SVBP: variants seen among roughly 807,000 people sequenced by gnomAD.
SVBP encodes the protein small vasohibin binding protein, also known as small vasohibin-binding protein.
In SVBP, 9 loss-of-function variants were observed where a neutral mutation model predicts 9.2. The ratio of observed to expected loss-of-function variants is 0.98; its 90% CI spans 0.59 to 1.71. SVBP has a LOEUF of 1.71. Among genes scored for constraint, SVBP ranks in the 40% most tolerant of loss-of-function variants. SVBP has a pLI of 0.00. For missense variants in SVBP, 63 were observed against 73.2 expected, an observed-to-expected ratio of 0.86 and a Z score of 0.51; for synonymous variants, 27 against 23.9, an observed-to-expected ratio of 1.13 and a Z score of -0.37.
rs1049265366 is a variant in SVBP, at chr1:42,808,178, T to C, written c.115-678A>G. Among the ~76,000 whole-genome samples the C allele has an allele frequency of 2.6e-3, 187 of 72,452 alleles. 3 individuals carry two copies. Among genetic ancestry groups the C allele is most frequent in the Middle Eastern group, 0.015 (2 of 136 alleles). The allele number at this position is 72,452 out of a possible 152,430, so 47.5% of individuals were successfully genotyped here. On this transcript the variant is annotated intron_variant, in intron 2 of 2. Coordinates refer to ENST00000372521, the MANE Select transcript of SVBP (RefSeq NM_199342.4). ...ATATATATATATATATATATATATA[T>C]ACATACTATGTATAGTATATATAGC...
chr1:42,810,179 T>C (rs918688348), intron 2 of SVBP, among the ~76,000 whole-genome samples: 1 of 152,060 alleles, frequency 6.6e-6, no homozygotes, highest in African/African-American at 2.4e-5. Context: ...GAGCAGAGTC[T>C]TGCTCTGTCA....
chr1:42,809,605 T>C (rs1654035751), intron 2 of SVBP, among the ~76,000 whole-genome samples: 1 of 152,178 alleles, frequency 6.6e-6, no homozygotes, highest in Non-Finnish European at 1.5e-5. Context: ...AACAAGTTCC[T>C]AGGAAAAGTA....
At chr1:42,817,163 C>T in intron 1 of SVBP, 27 bp downstream of exon 1, 5 of 1,206,042 alleles carry the variant, frequency 4.1e-6, no homozygotes, top group Non-Finnish European at 5.3e-6. Flanking sequence ...GCTGGAGCCG[C>T]CGACCAAGAG....
chr1:42,812,421 A>G (rs1352130916), intron 2 of SVBP, among the ~76,000 whole-genome samples: 2 of 152,098 alleles, frequency 1.3e-5, no homozygotes, highest in Non-Finnish European at 1.5e-5. Flanking sequence ...GCAAAACCAA[A>G]TTTCTTTTTT....
intron 2 of SVBP, among the ~76,000 whole-genome samples, chr1:42,811,410 G>A (rs1043063057): frequency 6.6e-6 from 1 of 152,202 alleles, no homozygotes; most frequent in Non-Finnish European, 1.5e-5. Context: ...GACTACATGT[G>A]GCTATGCATG....
At chr1:42,816,659 TA>T in intron 1 of SVBP, 79 bp from the exon 2 acceptor site, 1 of 710,950 alleles carries the variant, frequency 1.4e-6, no homozygotes, top group Non-Finnish European at 2.4e-6. Flanking sequence ...TCTAATCCTT[TA>T]GCTCCGCCCC....
At position 42,807,168 on chromosome 1, in the gene SVBP, T is replaced by TAA. The variant is rs1570512717; in HGVS notation, c.*245_*246insTT. The stretch of plus-strand genomic sequence containing the variant: ...TTTTGTGTGTGTTTTTTTTTTTTTT[T>TAA]TAAAAAAACCCAAAAAACAAAACCA... On this transcript the variant is annotated 3_prime_UTR_variant, in exon 3 of 3. Coordinates refer to ENST00000372521, the MANE Select transcript of SVBP (RefSeq NM_199342.4). 2 of 296,008 alleles carry TAA rather than the reference T, an allele frequency of 6.8e-6. No homozygotes were observed. Among genetic ancestry groups the TAA allele is most frequent in the East Asian group, 1.1e-4 (2 of 18,848 alleles). 18.3% of individuals were successfully genotyped at this position (296,008 alleles called of 1,614,324 possible). A position where few individuals can be genotyped will look rare whatever the true frequency, so the allele number is the denominator to read the frequency against.
Position 42,811,171 on chromosome 1 carries a change from G to GA in SVBP, c.115-3672dup, listed in dbSNP as rs200415785. On this transcript the variant is annotated intron_variant, in intron 2 of 2. Transcript: ENST00000372521. Reference sequence around the variant, plus strand: ...AACAAAAACACCAACCAACCAAACAGAAAAAAAAACAGCAAGGCAGCTGTA... The same window carrying GA: ...AACAAAAACACCAACCAACCAAACAGAAAAAAAAAACAGCAAGGCAGCTGTA... 2.9e-3 allele frequency among the ~76,000 whole-genome samples: 433 copies of GA among 147,886 alleles called. 3 individuals carry two copies. The highest frequency in any genetic ancestry group is 6.8e-3 in the Middle Eastern group (2 of 292).
intron 2 of SVBP, chr1:42,816,152 T>G (rs1654200825): frequency 2.8e-6 from 1 of 362,936 alleles, no homozygotes. Context: ...ACCCCTTCTT[T>G]CCCCTTACAT....
rs188917330 is a variant in SVBP at position 42,816,575 on chromosome 1, T to G, written c.-31A>C. 6.8e-7 allele frequency: 1 copy of G among 1,478,562 alleles called. No homozygotes were observed. Among genetic ancestry groups the G allele is most frequent in the South Asian group, 1.1e-5 (1 of 88,272 alleles). The allele number at this position is 1,478,562 out of a possible 1,614,324, so 91.6% of individuals were successfully genotyped here. ...GACTTCTGGATATTTCTTAGGAGGC[T>G]CTGATCTGGGTGGTACAGAAAGAGG... On this transcript the variant is annotated 5_prime_UTR_variant, in exon 2 of 3. Coordinates refer to ENST00000372521, the MANE Select transcript of SVBP (RefSeq NM_199342.4).
intron 2 of SVBP, among the ~76,000 whole-genome samples, chr1:42,808,007 T>C (rs988253847): frequency 1.3e-5 from 2 of 150,680 alleles, no homozygotes; most frequent in Non-Finnish European, 3.0e-5. Context: ...AGAGTAGGGG[T>C]TGGGGAGCTG....
intron 2 of SVBP, among the ~76,000 whole-genome samples, chr1:42,808,687 C>T (rs539459024): frequency 6.6e-6 from 1 of 150,540 alleles, no homozygotes; most frequent in African/African-American, 2.4e-5. Flanking sequence ...GTATATATCG[C>T]ATATATATAT....
intron 2 of SVBP, among the ~76,000 whole-genome samples, chr1:42,812,728 T>C (rs1238219985): frequency 6.6e-6 from 1 of 152,264 alleles, no homozygotes; most frequent in Non-Finnish European, 1.5e-5. Flanking sequence ...TTTTCACATT[T>C]TAAAACCTTT....
At chr1:42,808,143 G>GTATATATATATA (rs1344012080) in intron 2 of SVBP, among the ~76,000 whole-genome samples, 2 of 44,656 alleles carry the variant, frequency 4.5e-5, no homozygotes, top group African/African-American at 1.1e-4. Flanking sequence ...TAGTGTGTGT[G>GTATATATATATA]TGTGTGTATA....
At chr1:42,811,461 C>T (rs1013133605) in intron 2 of SVBP, among the ~76,000 whole-genome samples, 6 of 152,144 alleles carry the variant, frequency 3.9e-5, no homozygotes, top group East Asian at 1.9e-4. Context: ...AAGAGCTGCA[C>T]GGGGCCAGCT....
chr1:42,808,603 CTA>C (rs1204246989), intron 2 of SVBP, among the ~76,000 whole-genome samples: 7 of 146,192 alleles, frequency 4.8e-5, no homozygotes, highest in Non-Finnish European at 6.0e-5. Flanking sequence ...TATATATAGC[CTA>C]TATATATAAC....
chr1:42,811,586 C>T (rs1654085498), intron 2 of SVBP, among the ~76,000 whole-genome samples: 1 of 152,224 alleles, frequency 6.6e-6, no homozygotes, highest in South Asian at 2.1e-4. Flanking sequence ...CAAGATTATT[C>T]CTGATCATAA....
At chr1:42,808,417 T>TGTATACA (rs1213388925) in intron 2 of SVBP, among the ~76,000 whole-genome samples, 205 of 145,094 alleles carry the variant, frequency 1.4e-3, no homozygotes, top group African/African-American at 4.7e-3. Context: ...CTATATATAC[T>TGTATACA]GTATACAGTA....
chr1:42,810,618 A>G (rs1421275491), intron 2 of SVBP, among the ~76,000 whole-genome samples: 4 of 152,092 alleles, frequency 2.6e-5, no homozygotes. Context: ...GAGACTCACA[A>G]TGGGTCAGGG....
Sources: allele counts gnomAD v4.1 joint callset (sites outside exome capture counted in the v4.1 genomes callset), GRCh38; gene constraint gnomAD v4.1.1; transcripts MANE v1.5; gene names NCBI Gene and HGNC (gene_info 2026-07-23, HGNC 2026-07-21).